Variants in PLEKHH2 observed in about 807,000 individuals in gnomAD.
PLEKHH2 encodes pleckstrin homology domain-containing family H member 2.
Under a neutral mutation model 187.9 loss-of-function variants are expected in PLEKHH2, and 129 were observed. The observed-to-expected ratio is 0.69, with a 90% CI of 0.59 to 0.79. The LOEUF is 0.79. PLEKHH2 is among the 30% of genes least tolerant of loss of function. The pLI is 0.00. For synonymous variants in PLEKHH2, 686 were observed against 605.6 expected, an observed-to-expected ratio of 1.13 and a Z score of -1.95; for missense variants, 2,076 against 1,751.2, an observed-to-expected ratio of 1.19 and a Z score of -3.31.
rs545698061 is a variant in PLEKHH2, at chr2:43,712,905, A to G, written c.2460+522A>G. On this transcript the variant is annotated intron_variant, in intron 15 of 29. Coordinates refer to ENST00000282406, the MANE Select transcript of PLEKHH2 (RefSeq NM_172069.4). The stretch of plus-strand genomic sequence containing the variant: ...CACTTTTTAAAATCTGGTGAAAAGT[A>G]AGACGTTTTTACAAATTTTGAAACC... Among the ~76,000 whole-genome samples, 107 of 152,326 alleles carry G rather than the reference A, an allele frequency of 7.0e-4. No individual in the cohort carries two copies. The Middle Eastern group carries it at 0.02, about 29-fold the overall frequency.
chr2:43,643,013 A>G (rs1486223560), intron 1 of PLEKHH2, among the ~76,000 whole-genome samples: 1 of 152,076 alleles, frequency 6.6e-6, no homozygotes, highest in African/African-American at 2.4e-5. Flanking sequence ...ATTTTCTAGT[A>G]TTGCATCCAT....
chr2:43,648,317 T>C (rs1666284017), intron 2 of PLEKHH2, among the ~76,000 whole-genome samples: 1 of 151,768 alleles, frequency 6.6e-6, no homozygotes, highest in Admixed American at 6.6e-5. Flanking sequence ...GCCTAATGAG[T>C]AGCTGGGACT....
chr2:43,675,293 TTTACAC>T (rs1667688430), intron 2 of PLEKHH2: 1 of 879,830 alleles, frequency 1.1e-6, no homozygotes, highest in Non-Finnish European at 1.7e-6. Context: ...AAGTACGTAT[TTTACAC>T]TTACACTGTA....
intron 15 of PLEKHH2, among the ~76,000 whole-genome samples, chr2:43,715,926 G>A (rs1670189760): frequency 6.6e-6 from 1 of 152,086 alleles, no homozygotes; most frequent in African/African-American, 2.4e-5. Context: ...GGGAGAGCAG[G>A]GTAACACTTG....
chr2:43,708,326 T>G (rs1669772874), intron 11 of PLEKHH2, among the ~76,000 whole-genome samples: 1 of 152,214 alleles, frequency 6.6e-6, no homozygotes, highest in Non-Finnish European at 1.5e-5. Flanking sequence ...CTCATCTCCT[T>G]TCTTCTCTGT....
intron 25 of PLEKHH2, 36 bp downstream of exon 25, chr2:43,753,796 T>A (rs966465122): frequency 7.1e-7 from 1 of 1,410,356 alleles, no homozygotes; most frequent in Non-Finnish European, 9.5e-7. Context: ...TATATTGAAA[T>A]AATATGATAC....
Position 43,729,646 on chromosome 2 carries a change from C to T in PLEKHH2, c.2731C>T (p.Leu911Phe), listed in dbSNP as rs1410587462. Residue 911 changes from leucine (L) to phenylalanine (F), a missense_variant, in exon 18 of 30, where the codon CTT (leucine) becomes TTT (phenylalanine). Physicochemically the swap from Leu to Phe is conservative, Grantham distance 22. Transcript: ENST00000282406. ...IGSKHEKDTW[L>F]YHLTVAAGSN... The stretch of plus-strand genomic sequence containing the variant: ...ATGTTCTGGTTTTAAGGACACTTGG[C>T]TTTATCATCTGACTGTTGCAGCTGG... 1.3e-6 allele frequency: 2 copies of T among 1,593,904 alleles called. No homozygotes were observed. The highest frequency in any genetic ancestry group is 8.5e-7 in the Non-Finnish European group (1 of 1,172,328).
In PLEKHH2 at chr2:43,753,725, G is replaced by T. The variant is rs1672094794; in HGVS notation, c.3760G>T (p.Asp1254Tyr). The T allele has an allele frequency of 3.2e-6, 5 of 1,579,616 alleles. No individual in the cohort carries two copies. The highest frequency in any genetic ancestry group is 4.3e-6 in the Non-Finnish European group (5 of 1,167,742). The change falls in exon 25 of 30, where the codon GAT becomes TAT. Residue 1254 changes from aspartate to tyrosine, a missense_variant. Asp to Tyr is a radical substitution (Grantham distance 160). Coordinates refer to ENST00000282406, the MANE Select transcript of PLEKHH2 (RefSeq NM_172069.4). ...AAATGGACTTTTTCCTCTGAACAAA[G>T]ATCTGGCATTAGAAATGGCAGCTCT... ...IINGLFPLNK[D>Y]LALEMAALLS...
intron 24 of PLEKHH2, among the ~76,000 whole-genome samples, chr2:43,749,680 A>G (rs1671929475): frequency 6.6e-6 from 1 of 152,262 alleles, no homozygotes; most frequent in African/African-American, 2.4e-5. Flanking sequence ...AGCCACAGCT[A>G]TGAGAAAGTA....
chr2:43,699,207 GTT>G lies in PLEKHH2; in HGVS notation c.689-431_689-430del, dbSNP rs35567627. 2.2e-3 allele frequency among the ~76,000 whole-genome samples: 326 copies of G among 150,432 alleles called. 2 individuals carry two copies. The highest frequency in any genetic ancestry group is 7.2e-3 in the African/African-American group (296 of 41,100). Reference sequence around the variant, plus strand: ...TTTATTATCTCTCTTTAGACTCTCAGTTTTTTTTTTCCCAACATGTTTTTTTG... The same window carrying G: ...TTTATTATCTCTCTTTAGACTCTCAGTTTTTTTTCCCAACATGTTTTTTTG... On this transcript the variant is annotated intron_variant, in intron 7 of 29. Transcript: ENST00000282406.
chr2:43,699,706 A>G lies in PLEKHH2; in HGVS notation c.748A>G (p.Arg250Gly), dbSNP rs1428265159. Residue 250 changes from arginine to glycine, a missense_variant, in exon 8 of 30, where the codon AGA (arginine) becomes GGA (glycine). Transcript: ENST00000282406. Reference sequence around the variant, plus strand: ...AGTTCTAGAAAACAACAGAGGCCAGAGAACATTGCATCAAACCCCTTGTGG... The same window carrying G: ...AGTTCTAGAAAACAACAGAGGCCAGGGAACATTGCATCAAACCCCTTGTGG... ...NQVLENNRGQ[R>G]TLHQTPCGSE... 1.2e-6 allele frequency: 2 copies of G among 1,614,252 alleles called. No homozygotes were observed. Among genetic ancestry groups the G allele is most frequent in the East Asian group, 4.5e-5 (2 of 44,892 alleles).
chr2:43,644,136 T>A (rs6741367), intron 1 of PLEKHH2, among the ~76,000 whole-genome samples: 89,950 of 151,846 alleles, frequency 0.59, 27,171 homozygotes, highest in Middle Eastern at 0.68. Context: ...AGAGTGATGA[T>A]AAGGAATCAT....
Position 43,678,936 on chromosome 2 carries a change from A to C in PLEKHH2, c.186+11A>C. The stretch of plus-strand genomic sequence containing the variant: ...AAAGCTTTTCAACAGGTAGAGTATA[A>C]TTTTACTTTAAATTTTTTTTGCCTG... On this transcript the variant is annotated intron_variant, in intron 3 of 29. Transcript: ENST00000282406. The C allele has an allele frequency of 3.8e-6, 6 of 1,594,588 alleles. No homozygotes were observed. The highest frequency in any genetic ancestry group is 5.1e-6 in the Non-Finnish European group (6 of 1,167,114).
At chr2:43,711,923 C>G (rs1669987930) in intron 14 of PLEKHH2, 2 of 1,054,024 alleles carry the variant, frequency 1.9e-6, no homozygotes, top group Non-Finnish European at 2.3e-6. Flanking sequence ...AAGTAGGAAC[C>G]TGTAACACAT....
In PLEKHH2 at chr2:43,763,307, T is replaced by A. The variant is rs370926033; in HGVS notation, c.4158+917T>A. Among the ~76,000 whole-genome samples the A allele has an allele frequency of 2.0e-4, 30 of 152,314 alleles. 1 individual carries two copies. Among genetic ancestry groups the A allele is most frequent in the African/African-American group, 7.0e-4 (29 of 41,568 alleles). On this transcript the variant is annotated intron_variant, in intron 28 of 29. Transcript: ENST00000282406. ...AGGCCAGGAAGCACACACAGGTGGG[T>A]CTGAGGCATTCAGTCCTGGAATGGT...
intron 3 of PLEKHH2, among the ~76,000 whole-genome samples, chr2:43,682,991 A>T (rs529484154): frequency 3.9e-4 from 60 of 152,024 alleles, no homozygotes; most frequent in African/African-American, 1.4e-3. Context: ...CTTTTTATGG[A>T]CATTGTCTTT....
chr2:43,667,192 A>G (rs1470930153), intron 2 of PLEKHH2, among the ~76,000 whole-genome samples: 2 of 152,170 alleles, frequency 1.3e-5, no homozygotes, highest in Non-Finnish European at 2.9e-5. Context: ...TATTTCTTCT[A>G]GTATCATTTG....
chr2:43,692,869 T>G (rs1172778532), intron 4 of PLEKHH2, among the ~76,000 whole-genome samples: 1 of 152,172 alleles, frequency 6.6e-6, no homozygotes, highest in Non-Finnish European at 1.5e-5. Context: ...AGGCAAGATC[T>G]AACACTTTTT....
intron 25 of PLEKHH2, among the ~76,000 whole-genome samples, chr2:43,756,854 C>T (rs897124683): frequency 3.3e-5 from 5 of 151,932 alleles, no homozygotes; most frequent in African/African-American, 7.3e-5. Context: ...GAGGCTGAGG[C>T]AGGAGAATCA....
Sources: allele counts gnomAD v4.1 joint callset (sites outside exome capture counted in the v4.1 genomes callset), GRCh38; gene constraint gnomAD v4.1.1; transcripts MANE v1.5; gene names NCBI Gene and HGNC (gene_info 2026-07-23, HGNC 2026-07-21).